The following CDC42BPB variants were observed in gnomAD, a reference collection of about 807,000 sequenced individuals.
CDC42BPB encodes the protein CDC42 binding protein kinase beta.
Under a neutral mutation model 214.9 loss-of-function variants are expected in CDC42BPB, and 37 were observed. The observed-to-expected ratio is 0.17, with a 90% CI of 0.13 to 0.23. CDC42BPB has a LOEUF of 0.23. CDC42BPB is among the 10% of genes least tolerant of loss of function. CDC42BPB has a pLI of 1.00. For synonymous variants in CDC42BPB, 931 were observed against 884.0 expected, an observed-to-expected ratio of 1.05 and a Z score of -0.94; for missense variants, 1,694 against 2,227.0, an observed-to-expected ratio of 0.76 and a Z score of 4.82.
rs764862437 is a variant in CDC42BPB at position 102,959,657 on chromosome 14, G to A, written c.2875C>T (p.Pro959Ser). 8 of 1,609,730 alleles carry A rather than the reference G, an allele frequency of 5.0e-6. No homozygotes were observed. The highest frequency in any genetic ancestry group is 3.3e-5 in the Admixed American group (2 of 59,762). Residue 959 changes from proline to serine, a missense_variant, in exon 21 of 37, where the codon CCT (proline) becomes TCT (serine). Physicochemically the swap from Pro to Ser is moderately conservative, Grantham distance 74. Around this residue, in one of 7 missense-constraint regions of CDC42BPB, gnomAD observed 156 missense variants for 154.5 expected, o/e 1.01. Coordinates refer to ENST00000361246, the MANE Select transcript of CDC42BPB (RefSeq NM_006035.4). ...CTAAATGTCAGGTCATGTGCAAGAG[G>A]AGCAGTGTTGAAATACTCAAAAATG... ...DSIFEYFNTA[P>S]LAHDLTFRTS... is the part of the protein sequence containing the mutation.
chr14:102,933,770 G>T lies in CDC42BPB; in HGVS notation c.5078C>A (p.Ser1693Tyr). 1 of 1,503,718 alleles carries T rather than the reference G, an allele frequency of 6.7e-7. No homozygotes were observed. Among genetic ancestry groups the T allele is most frequent in the Non-Finnish European group, 8.8e-7 (1 of 1,140,396 alleles). 93.1% of individuals were successfully genotyped at this position (1,503,718 alleles called of 1,614,324 possible). Reference protein sequence around the residue: ...SNPSGPPSPNSPHRSQLPLEG... With the variant: ...SNPSGPPSPNYPHRSQLPLEG... ...GAGGGGGAGCTGGCTCCTGTGGGGG[G>T]AGTTGGGGCTCGGTGGGCCGCTGGG... Residue 1693 changes from serine (S) to tyrosine (Y), a missense_variant, in exon 37 of 37, where the codon TCC (serine) becomes TAC (tyrosine). Ser to Tyr is a moderately radical substitution (Grantham distance 144, BLOSUM62 -2). Around this residue, in one of 7 missense-constraint regions of CDC42BPB, gnomAD observed 146 missense variants for 134.1 expected, o/e 1.09. Transcript: ENST00000361246.
chr14:103,032,535 C>CAAAAAAAAAAAA, intron 1 of CDC42BPB, among the ~76,000 whole-genome samples: 1 of 45,056 alleles, frequency 2.2e-5, no homozygotes, highest in Non-Finnish European at 5.9e-5. Flanking sequence ...AAATAAACTG[C>CAAAAAAAAAAAA]AAAAAAAAAA....
intron 5 of CDC42BPB, among the ~76,000 whole-genome samples, chr14:102,988,365 A>G (rs926363950): frequency 8.6e-5 from 13 of 152,040 alleles, no homozygotes; most frequent in African/African-American, 2.9e-4. Flanking sequence ...AAAAAAAAAA[A>G]AAAAATACCT....
At chr14:102,983,166 G>C (rs976165118) in intron 7 of CDC42BPB, among the ~76,000 whole-genome samples, 3 of 152,018 alleles carry the variant, frequency 2.0e-5, no homozygotes, top group Non-Finnish European at 4.4e-5. Context: ...CAGGTCAAAG[G>C]GCCCACCTGG....
rs1485832467 is a variant in CDC42BPB at position 102,967,124 on chromosome 14, T to G, written c.2393A>C (p.Glu798Ala). 1.2e-6 allele frequency: 2 copies of G among 1,614,194 alleles called. No homozygotes were observed. The highest frequency in any genetic ancestry group is 8.5e-7 in the Non-Finnish European group (1 of 1,180,000). Residue 798 changes from glutamate to alanine, a missense_variant, in exon 17 of 37, where the codon GAG becomes GCG. Coordinates refer to ENST00000361246, the MANE Select transcript of CDC42BPB (RefSeq NM_006035.4). ...GGCTGCCAGATCCTGCAGCTCATCC[T>G]CCAGCTGTCTATTTTGAGCTGTGAG... ...DKLTAQNRQLEDELQDLAAKK... is the reference protein window; with the variant it reads ...DKLTAQNRQLADELQDLAAKK...
intron 1 of CDC42BPB, among the ~76,000 whole-genome samples, chr14:103,053,570 G>C (rs565806054): frequency 4.6e-5 from 7 of 151,400 alleles, no homozygotes; most frequent in East Asian, 4.0e-4. Context: ...GACCATCCTG[G>C]CTAACACGGT....
Position 102,950,509 on chromosome 14 carries a change from T to G in CDC42BPB, c.3266A>C (p.Asp1089Ala). Residue 1089 changes from aspartate to alanine, a missense_variant, in exon 25 of 37, where the codon GAC (aspartate) becomes GCC (alanine). Physicochemically the swap from Asp to Ala is moderately radical, Grantham distance 126. This residue lies in a region of CDC42BPB where 567 missense variants were observed against 790.3 expected (regional missense o/e 0.72). Transcript: ENST00000361246. The part of the protein sequence containing the change: ...PEQSKRPLGV[D>A]VQRGIGTAYK... ...GGCTGTTCCGATGCCTCGCTGCACG[T>G]CCACGCCCAGAGGCCTCTTGGACTG... is the stretch of plus-strand genomic sequence containing the variant. 1.9e-6 allele frequency: 3 copies of G among 1,613,276 alleles called. No individual in the cohort carries two copies. The highest frequency in any genetic ancestry group is 8.5e-7 in the Non-Finnish European group (1 of 1,179,966).
intron 21 of CDC42BPB, among the ~76,000 whole-genome samples, chr14:102,955,914 C>T (rs1172752709): frequency 6.6e-6 from 1 of 152,190 alleles, no homozygotes; most frequent in Non-Finnish European, 1.5e-5. Context: ...GAGCCAAATT[C>T]AGATGGGATG....
At chr14:103,051,636 G>A (rs1048921528) in intron 1 of CDC42BPB, among the ~76,000 whole-genome samples, 16 of 152,230 alleles carry the variant, frequency 1.1e-4, no homozygotes, top group Admixed American at 9.8e-4. Flanking sequence ...TGTCAACCCT[G>A]CAGTGTTGTG....
In CDC42BPB at chr14:102,971,951, C is replaced by G; in HGVS notation, c.1852G>C (p.Glu618Gln). Reference sequence around the variant, plus strand: ...CTGAGCTTCTCAGCTCTCCGCATTTCCTGCCGCATGGCGTCCACCTTCTGC... The same window carrying G: ...CTGAGCTTCTCAGCTCTCCGCATTTGCTGCCGCATGGCGTCCACCTTCTGC... ...ATQKVDAMRQEMRRAEKLRKE... is the reference protein window; with the variant it reads ...ATQKVDAMRQQMRRAEKLRKE... The change falls in exon 13 of 37, where the codon GAA (glutamate) becomes CAA (glutamine). Residue 618 changes from glutamate (E) to glutamine (Q), a missense_variant. Glu to Gln is a conservative substitution (Grantham distance 29). Transcript: ENST00000361246. 6.2e-7 allele frequency: 1 copy of G among 1,614,252 alleles called. No homozygotes were observed.
chr14:102,966,222 T>C (rs1240544219), intron 18 of CDC42BPB, 60 bp downstream of exon 18: 2 of 1,262,900 alleles, frequency 1.6e-6, no homozygotes, highest in East Asian at 2.3e-5. Flanking sequence ...GTCACATTTA[T>C]ACTTAAAACC....
intron 2 of CDC42BPB, among the ~76,000 whole-genome samples, chr14:103,010,527 T>A (rs1352136787): frequency 1.3e-5 from 2 of 152,238 alleles, no homozygotes; most frequent in East Asian, 1.9e-4. Context: ...GTCTGCACAC[T>A]GGAAAATGCA....
chr14:103,053,895 T>C (rs7152402), intron 1 of CDC42BPB, among the ~76,000 whole-genome samples: 8,267 of 152,098 alleles, frequency 0.054, 427 homozygotes, highest in African/African-American at 0.14. Context: ...GGCTGGAGTG[T>C]AGTGGCATGA....
intron 1 of CDC42BPB, among the ~76,000 whole-genome samples, chr14:103,035,582 G>C (rs184560033): frequency 6.6e-6 from 1 of 150,976 alleles, no homozygotes; most frequent in Non-Finnish European, 1.5e-5. Context: ...GGCTCATGCC[G>C]GTAATCCCAG....
chr14:103,012,591 G>A (rs1437622384), intron 1 of CDC42BPB, among the ~76,000 whole-genome samples: 1 of 152,170 alleles, frequency 6.6e-6, no homozygotes, highest in Non-Finnish European at 1.5e-5. Flanking sequence ...GATCACCTGA[G>A]GTCAAGAGTT....
intron 29 of CDC42BPB, chr14:102,945,351 G>C (rs575142207): frequency 8.8e-5 from 44 of 500,080 alleles, no homozygotes; most frequent in Admixed American, 5.4e-4. Flanking sequence ...TGGAAGCAAA[G>C]AAACTAAAGC....
In CDC42BPB at chr14:102,943,588, C is replaced by T. The variant is rs182537911; in HGVS notation, c.4408+303G>A. On this transcript the variant is annotated intron_variant, in intron 30 of 36. Coordinates refer to ENST00000361246, the MANE Select transcript of CDC42BPB (RefSeq NM_006035.4). This position sits in a 1 kb window ranked among gnomAD's most constrained non-coding sequence, Gnocchi z 4.6. ...AGAGATGAATGCCACGCCCCGTTCT[C>T]GGTTCGCCGAGCCCTTCTGCCCAGG... 5.6e-4 allele frequency among the ~76,000 whole-genome samples: 85 copies of T among 152,316 alleles called. 1 individual carries two copies. The highest frequency in any genetic ancestry group is 1.5e-3 in the African/African-American group (64 of 41,576).
At chr14:102,934,746 T>C (rs541259078) in intron 36 of CDC42BPB, among the ~76,000 whole-genome samples, 5 of 151,962 alleles carry the variant, frequency 3.3e-5, no homozygotes, top group South Asian at 2.1e-4. Context: ...GTGCGGTGGC[T>C]CACACCTGTA....
chr14:103,046,060 G>C (rs903289655), intron 1 of CDC42BPB, among the ~76,000 whole-genome samples: 5 of 152,116 alleles, frequency 3.3e-5, no homozygotes, highest in African/African-American at 1.2e-4. Context: ...AACGAGGCTG[G>C]GGAATGAGAA....
Sources: gnomAD v4.1 joint callset for allele counts (sites outside exome capture counted in the v4.1 genomes callset) on GRCh38, gnomAD v4.1.1 for gene constraint, gnomAD v4.1.1 regional missense constraint, Gnocchi (gnomAD v3.1) non-coding constraint, MANE v1.5 for transcripts, NCBI Gene and HGNC (gene_info 2026-07-23, HGNC 2026-07-21) for gene names.